GRK5: variants seen among roughly 807,000 people sequenced by gnomAD.
The protein encoded by GRK5 is g protein-coupled receptor kinase GRK5.
Under a neutral mutation model 78.4 loss-of-function variants are expected in GRK5, and 40 were observed. The ratio of observed to expected loss-of-function variants is 0.51; its 90% CI spans 0.40 to 0.66. GRK5 has a LOEUF of 0.66. GRK5 is among the 30% of genes least tolerant of loss of function. GRK5 has a pLI of 0.00. For synonymous variants in GRK5, 289 were observed against 296.8 expected (o/e 0.97, Z 0.27); for missense variants, 598 against 759.9 (o/e 0.79, Z 2.50).
chr10:119,395,060 T>G (rs945344474), intron 3 of GRK5, among the ~76,000 whole-genome samples: 5 of 144,448 alleles, frequency 3.5e-5, no homozygotes. Context: ...CGCGGCGCAG[T>G]GGGAATCCAG....
At chr10:119,355,156 G>A (rs1395209825) in intron 2 of GRK5, among the ~76,000 whole-genome samples, 1 of 152,204 alleles carries the variant, frequency 6.6e-6, no homozygotes, top group East Asian at 1.9e-4. Context: ...CATGTTCAGT[G>A]CAGACACAAC....
In GRK5 at chr10:119,431,246, T is replaced by G. The variant is rs1296449097; in HGVS notation, c.598-141T>G. The G allele has an allele frequency of 1.1e-6, 1 of 929,674 alleles. No individual in the cohort carries two copies. The highest frequency in any genetic ancestry group is 1.6e-6 in the Non-Finnish European group (1 of 642,000). 57.6% of individuals were successfully genotyped at this position (929,674 alleles called of 1,614,324 possible). ...CAGGCATCACTGGGTCCTGGGAGCC[T>G]GGAGCACTCATGAAGCCAGGCAGGG... On this transcript the variant is annotated intron_variant, in intron 7 of 15. Coordinates refer to ENST00000392870, the MANE Select transcript of GRK5 (RefSeq NM_005308.3). This position sits in a 1 kb window ranked among gnomAD's most constrained non-coding sequence, Gnocchi z 4.8.
intron 1 of GRK5, among the ~76,000 whole-genome samples, chr10:119,295,325 T>C (rs985928107): frequency 6.6e-6 from 1 of 151,960 alleles, no homozygotes; most frequent in Non-Finnish European, 1.5e-5. Context: ...TCAATAGATA[T>C]TAGCTGAATA....
At chr10:119,314,074 T>C (rs965219403) in intron 1 of GRK5, among the ~76,000 whole-genome samples, 1 of 152,208 alleles carries the variant, frequency 6.6e-6, no homozygotes, top group Non-Finnish European at 1.5e-5. Context: ...AGGAGAACTG[T>C]GTCTTTGCTC....
intron 4 of GRK5, among the ~76,000 whole-genome samples, chr10:119,419,975 G>A (rs1444895167): frequency 2.0e-5 from 3 of 152,156 alleles, no homozygotes; most frequent in African/African-American, 7.2e-5. Flanking sequence ...TGGGTCCTGA[G>A]GGGATAAGGT....
intron 1 of GRK5, among the ~76,000 whole-genome samples, chr10:119,212,565 T>A (rs1472585890): frequency 6.6e-6 from 1 of 152,238 alleles, no homozygotes; most frequent in African/African-American, 2.4e-5. Context: ...AATCCATATC[T>A]GGGATGTTTT....
intron 2 of GRK5, among the ~76,000 whole-genome samples, chr10:119,347,417 A>G (rs752726849): frequency 3.9e-5 from 6 of 152,184 alleles, no homozygotes; most frequent in Admixed American, 3.3e-4. Context: ...GTGTGTATAC[A>G]TGCAAGTTTG....
At chr10:119,338,880 A>G (rs1850937439) in intron 2 of GRK5, among the ~76,000 whole-genome samples, 1 of 152,234 alleles carries the variant, frequency 6.6e-6, no homozygotes, top group African/African-American at 2.4e-5. Context: ...TATATATTCT[A>G]CTATTTGGGT....
chr10:119,369,866 G>A (rs990353457), intron 2 of GRK5, among the ~76,000 whole-genome samples: 1 of 152,162 alleles, frequency 6.6e-6, no homozygotes, highest in Non-Finnish European at 1.5e-5. Flanking sequence ...GGATCTACCT[G>A]CCAAGTGGTC....
chr10:119,352,726 G>GA (rs58638775), intron 2 of GRK5, among the ~76,000 whole-genome samples: 46,147 of 152,046 alleles, frequency 0.3, 7,039 homozygotes, highest in East Asian at 0.38. Context: ...CAACCCTTCT[G>GA]AAAAGACAAG....
intron 1 of GRK5, among the ~76,000 whole-genome samples, chr10:119,317,887 T>TA (rs1370423983): frequency 5.9e-5 from 9 of 152,126 alleles, no homozygotes; most frequent in African/African-American, 2.2e-4. Context: ...TCTCTTGACT[T>TA]ACAGCAGTGG....
At position 119,411,099 on chromosome 10, in the gene GRK5, A is replaced by G. The variant is rs1852329269; in HGVS notation, c.340-12067A>G. 2.0e-5 allele frequency among the ~76,000 whole-genome samples: 3 copies of G among 152,126 alleles called. No homozygotes were observed. In the South Asian group the frequency reaches 6.3e-4, roughly 32 times the overall value. Reference sequence around the variant, plus strand: ...AAGCTTTCCGACTGGTCACTGGAGCAGTGGCCCCACCTCCACCTCTGCTCA... The same window carrying G: ...AAGCTTTCCGACTGGTCACTGGAGCGGTGGCCCCACCTCCACCTCTGCTCA... On this transcript the variant is annotated intron_variant, in intron 4 of 15. Coordinates refer to ENST00000392870, the MANE Select transcript of GRK5 (RefSeq NM_005308.3).
chr10:119,274,648 T>G (rs956077000), intron 1 of GRK5, among the ~76,000 whole-genome samples: 7 of 152,232 alleles, frequency 4.6e-5, no homozygotes, highest in Non-Finnish European at 7.3e-5. Context: ...TATTTCTCCC[T>G]CTAGACTGTT....
At chr10:119,363,333 G>A (rs957965994) in intron 2 of GRK5, among the ~76,000 whole-genome samples, 10 of 151,762 alleles carry the variant, frequency 6.6e-5, no homozygotes, top group Non-Finnish European at 1.2e-4. Context: ...CTTGCACCAG[G>A]AGCTGTGCTA....
chr10:119,439,054 C>T (rs1564935546), intron 9 of GRK5, among the ~76,000 whole-genome samples: 1 of 152,228 alleles, frequency 6.6e-6, no homozygotes, highest in South Asian at 2.1e-4. Context: ...CTTGGCTGTT[C>T]TTTTACCCAT....
rs978142962 is a variant in GRK5 at position 119,420,446 on chromosome 10, C to T, written c.340-2720C>T. Among the ~76,000 whole-genome samples the T allele has an allele frequency of 3.3e-5, 5 of 151,654 alleles. No individual in the cohort carries two copies. In the East Asian group the frequency reaches 7.7e-4, roughly 23 times the overall value. ...CACCATGTACAGTACAACCGAGAGG[C>T]ATAAGAACTTTTCTGTTGGGATATT... On this transcript the variant is annotated intron_variant, in intron 4 of 15. Transcript: ENST00000392870.
chr10:119,288,740 C>T (rs765471263), intron 1 of GRK5, among the ~76,000 whole-genome samples: 11 of 152,180 alleles, frequency 7.2e-5, no homozygotes, highest in Non-Finnish European at 1.3e-4. Context: ...GGCAGCAGGC[C>T]GGCTGCTCTT....
Position 119,293,617 on chromosome 10 carries a change from C to T in GRK5, c.53-32899C>T, listed in dbSNP as rs968755222. On this transcript the variant is annotated intron_variant, in intron 1 of 15. Transcript: ENST00000392870. Reference sequence around the variant, plus strand: ...AGGTACCAAGTATCAGGCAAATTGGCTTCTTTGTACATTCCTCCTTCCGGA... The same window carrying T: ...AGGTACCAAGTATCAGGCAAATTGGTTTCTTTGTACATTCCTCCTTCCGGA... Among the ~76,000 whole-genome samples, 8 of 152,182 alleles carry T rather than the reference C, an allele frequency of 5.3e-5. No individual in the cohort carries two copies. In the South Asian group the frequency reaches 8.3e-4, roughly 16 times the overall value.
In GRK5 at chr10:119,394,710, TGTGTGTGGGGG is replaced by T. The variant is rs1362220879; in HGVS notation, c.262-1984_262-1974del. ...GTGGGTGTGTGTGGGTGTGTATCTG[TGTGTGTGGGGG>T]CACGTGTATGTTTGGGTGTGTGTGT... On this transcript the variant is annotated intron_variant, in intron 3 of 15. Transcript: ENST00000392870. Among the ~76,000 whole-genome samples the T allele has an allele frequency of 1.5e-4, 9 of 60,184 alleles. 4 individuals are homozygous for T. In the South Asian group the frequency reaches 1.6e-3, roughly 11 times the overall value. The allele number at this position is 60,184 out of a possible 152,430, so 39.5% of individuals were successfully genotyped here.
Sources: allele counts gnomAD v4.1 joint callset (sites outside exome capture counted in the v4.1 genomes callset), GRCh38; gene constraint gnomAD v4.1.1; non-coding constraint Gnocchi (gnomAD v3.1); transcripts MANE v1.5; gene names NCBI Gene and HGNC (gene_info 2026-07-23, HGNC 2026-07-21).